The following GLIS3 variants were observed in gnomAD, a reference collection of about 807,000 sequenced individuals.
The protein encoded by GLIS3 is zinc finger protein GLIS3.
In GLIS3, 53 loss-of-function variants were observed where a neutral mutation model predicts 78.6. That is an observed-to-expected ratio of 0.67 (90% confidence interval 0.54 to 0.85). The LOEUF (loss-of-function observed/expected upper bound fraction) is 0.85, where lower values mean the gene tolerates loss of function less well. Ranked by LOEUF, GLIS3 falls within the 40% of genes least tolerant of loss-of-function variation. The probability of loss-of-function intolerance (pLI) is 0.00; values close to 1 mark genes in which losing one functional copy is unlikely to be tolerated. For synonymous variants in GLIS3, 684 were observed against 509.9 expected (o/e 1.34, Z -4.60); for missense variants, 1,703 against 1,231.1 (o/e 1.38, Z -5.74).
chr9:4,181,653 G>C (rs575150017), intron 2 of GLIS3, among the ~76,000 whole-genome samples: 1 of 152,212 alleles, frequency 6.6e-6, no homozygotes, highest in Non-Finnish European at 1.5e-5. Context: ...CTGAGAGGTG[G>C]AATCTATCTA....
intron 2 of GLIS3, among the ~76,000 whole-genome samples, chr9:4,144,145 T>C (rs1228306784): frequency 6.6e-6 from 1 of 152,108 alleles, no homozygotes; most frequent in East Asian, 1.9e-4. Flanking sequence ...GAAACCTTGC[T>C]CCATAAATGC....
At chr9:4,448,746 C>G in the GLIS3 span, among the ~76,000 whole-genome samples, 1 of 152,176 alleles carries the variant, frequency 6.6e-6, no homozygotes, top group Non-Finnish European at 1.5e-5. Context: ...TAGCACCATG[C>G]TGAATTGAAG....
At chr9:4,175,662 C>G (rs185007086) in intron 2 of GLIS3, among the ~76,000 whole-genome samples, 5 of 152,264 alleles carry the variant, frequency 3.3e-5, no homozygotes, top group Admixed American at 3.3e-4. Flanking sequence ...CCCCACTGTA[C>G]TGGATAAGAA....
the GLIS3 span, among the ~76,000 whole-genome samples, chr9:4,354,151 C>A: frequency 1.3e-5 from 2 of 152,064 alleles, no homozygotes; most frequent in Admixed American, 1.3e-4. Context: ...CAGGAAAATT[C>A]TTGATAGCCA....
chr9:3,933,269 G>T (rs142029939), intron 5 of GLIS3, among the ~76,000 whole-genome samples: 1 of 152,020 alleles, frequency 6.6e-6, no homozygotes, highest in Non-Finnish European at 1.5e-5. Context: ...TCTGCCTCCT[G>T]GGTTCAAGTG....
chr9:3,834,893 G>A (rs1340561588), intron 9 of GLIS3, among the ~76,000 whole-genome samples: 1 of 152,192 alleles, frequency 6.6e-6, no homozygotes, highest in Non-Finnish European at 1.5e-5. Flanking sequence ...AGCAGCAGCA[G>A]AAGAAAGAAA....
intron 4 of GLIS3, among the ~76,000 whole-genome samples, chr9:4,075,450 C>T (rs1311598611): frequency 1.4e-5 from 2 of 146,156 alleles, no homozygotes; most frequent in African/African-American, 2.5e-5. Flanking sequence ...GTGGCGGGTG[C>T]CTGTACTCCC....
chr9:4,290,121 G>C (rs558709251), intron 1 of GLIS3, among the ~76,000 whole-genome samples: 1 of 152,142 alleles, frequency 6.6e-6, no homozygotes, highest in South Asian at 2.1e-4. Flanking sequence ...ACAGCTAAAG[G>C]CCCTTTCTTA....
chr9:4,451,528 C>T, the GLIS3 span, among the ~76,000 whole-genome samples: 1 of 152,176 alleles, frequency 6.6e-6, no homozygotes, highest in African/African-American at 2.4e-5. Flanking sequence ...CTCTCCACCC[C>T]ATATCAACAG....
At chr9:4,185,734 T>C (rs1817726856) in intron 2 of GLIS3, among the ~76,000 whole-genome samples, 1 of 152,192 alleles carries the variant, frequency 6.6e-6, no homozygotes, top group Admixed American at 6.5e-5. Flanking sequence ...GCTAGGACCA[T>C]GTTCAGCACA....
At chr9:4,337,675 A>G (rs1024662256) in intron 2 of GLIS3, among the ~76,000 whole-genome samples, 9 of 152,182 alleles carry the variant, frequency 5.9e-5, no homozygotes, top group African/African-American at 2.2e-4. Context: ...CTTTGGGCCA[A>G]TATCTGACTC....
chr9:4,457,891 G>C, the GLIS3 span, among the ~76,000 whole-genome samples: 2 of 151,504 alleles, frequency 1.3e-5, no homozygotes, highest in African/African-American at 4.9e-5. Flanking sequence ...TATGATACTA[G>C]GTTAAAAATC....
chr9:4,170,029 G>A (rs140658403), intron 2 of GLIS3, among the ~76,000 whole-genome samples: 1,600 of 152,264 alleles, frequency 0.011, 9 homozygotes, highest in East Asian at 0.017. Flanking sequence ...AACCGTCTCT[G>A]ATTCTGTGAT....
chr9:4,028,930 C>T (rs1328183551), intron 4 of GLIS3, among the ~76,000 whole-genome samples: 1 of 152,036 alleles, frequency 6.6e-6, no homozygotes, highest in East Asian at 1.9e-4. Context: ...GTTGAACAAG[C>T]AGAGAAATCT....
At chr9:4,413,943 G>C in the GLIS3 span, among the ~76,000 whole-genome samples, 1 of 152,038 alleles carries the variant, frequency 6.6e-6, no homozygotes, top group African/African-American at 2.4e-5. Flanking sequence ...TATACCCAAG[G>C]TTATCATATG....
chr9:3,829,537 A>G (rs752831903), intron 9 of GLIS3, 45 bp from the exon 10 acceptor site: 2 of 1,604,400 alleles, frequency 1.2e-6, no homozygotes, highest in Non-Finnish European at 1.7e-6. Context: ...TTTGGGCACA[A>G]GTTCCACAGA....
rs115911792 is a variant in GLIS3 at position 4,328,787 on chromosome 9, G to A, written n.265-18259C>T. ...CTCTCTGCCATACCAGGTGTTGCGA[G>A]GACTGAAAGCATTATGGCACATGCA... On this transcript the variant is annotated intron_variant and non_coding_transcript_variant, in intron 2 of 4. Transcript: ENST00000471664. Among the ~76,000 whole-genome samples, 761 of 152,274 alleles carry A rather than the reference G, an allele frequency of 5.0e-3. 5 individuals carry two copies. Among genetic ancestry groups the A allele is most frequent in the African/African-American group, 0.018 (731 of 41,550 alleles).
the GLIS3 span, among the ~76,000 whole-genome samples, chr9:4,408,608 T>C: frequency 6.8e-6 from 1 of 146,424 alleles, no homozygotes; most frequent in African/African-American, 2.6e-5. Context: ...GCGCCTGTAG[T>C]CCCAGGTACT....
At chr9:4,147,290 T>G (rs1033971621) in intron 2 of GLIS3, 7 of 152,256 alleles carry the variant, frequency 4.6e-5, no homozygotes, top group Admixed American at 2.0e-4. Flanking sequence ...CTTAACAAAT[T>G]TCTTACCATT....
Sources: gnomAD v4.1 joint callset for allele counts (sites outside exome capture counted in the v4.1 genomes callset) on GRCh38, gnomAD v4.1.1 for gene constraint, MANE v1.5 for transcripts, NCBI Gene and HGNC (gene_info 2026-07-23, HGNC 2026-07-21) for gene names.